ANKS6: variants seen among roughly 807,000 people sequenced by gnomAD.
ANKS6 encodes ankyrin repeat and sterile alpha motif domain containing 6.
In ANKS6, 47 loss-of-function variants were observed where a neutral mutation model predicts 77.9. The observed-to-expected ratio is 0.60, with a 90% confidence interval of 0.48 to 0.77. The LOEUF (loss-of-function observed/expected upper bound fraction) is 0.77. Ranked by LOEUF, ANKS6 falls within the 30% of genes least tolerant of loss-of-function variation. The pLI, the probability that ANKS6 is intolerant of heterozygous loss-of-function variation, is 0.00. For synonymous variants in ANKS6, 488 were observed against 501.7 expected (o/e 0.97, Z 0.37); for missense variants, 1,150 against 1,159.1 (o/e 0.99, Z 0.11).
At chr9:98,745,371 G>A (rs961208803) in intron 14 of ANKS6, among the ~76,000 whole-genome samples, 188 bp downstream of exon 14, 2 of 152,206 alleles carry the variant, frequency 1.3e-5, no homozygotes, top group Non-Finnish European at 2.9e-5. Context: ...TTACCTGAGC[G>A]AAGATTTCAG....
At position 98,794,719 on chromosome 9, in the gene ANKS6, G is replaced by A. The variant is rs576520913; in HGVS notation, c.359+1414C>T. On this transcript the variant is annotated intron_variant, in intron 1 of 14. Transcript: ENST00000353234. The stretch of plus-strand genomic sequence containing the variant: ...CCTCACTCAGTAAATTCCTCAGGGG[G>A]CTCACCAGGGCCCCTGTGCACGCAC... Among the ~76,000 whole-genome samples, 3 of 152,222 alleles carry A rather than the reference G, an allele frequency of 2.0e-5. No homozygotes were observed. The East Asian group carries it at 5.8e-4, about 29-fold the overall frequency.
intron 5 of ANKS6, 106 bp downstream of exon 5, chr9:98,782,361 G>A (rs1311662984): frequency 1.7e-5 from 17 of 1,013,342 alleles, no homozygotes; most frequent in African/African-American, 8.0e-5. Context: ...TTTCCCCCAC[G>A]AATAAGCAAG....
Position 98,733,273 on chromosome 9 carries a change from A to C in ANKS6, c.*3246T>G. ...CCATGTAATTTTGTGGCGCTGAAGA[A>C]GAGAGGCAGGAGCCCTCCGTGGCCA... is the stretch of plus-strand genomic sequence containing the variant. On this transcript the variant is annotated 3_prime_UTR_variant, in exon 15 of 15. Transcript: ENST00000353234. 1.0e-6 allele frequency: 1 copy of C among 985,578 alleles called. No individual in the cohort carries two copies. The highest frequency in any genetic ancestry group is 1.2e-6 in the Non-Finnish European group (1 of 830,026). The allele number at this position is 985,578 out of a possible 1,614,324, so 61.1% of individuals were successfully genotyped here.
At chr9:98,773,821 C>T in intron 9 of ANKS6, 56 bp downstream of exon 9, 6 of 1,408,210 alleles carry the variant, frequency 4.3e-6, no homozygotes, top group Non-Finnish European at 3.7e-6. Flanking sequence ...CTGGAACACA[C>T]CATGATCTCA....
chr9:98,758,056 G>C (rs10987634), intron 11 of ANKS6, among the ~76,000 whole-genome samples: 1 of 152,316 alleles, frequency 6.6e-6, no homozygotes, highest in East Asian at 1.9e-4. Context: ...ACTGAGGCAA[G>C]TGTTACAGTG....
At chr9:98,786,325 T>C (rs1397462802) in intron 2 of ANKS6, among the ~76,000 whole-genome samples, 1 of 149,076 alleles carries the variant, frequency 6.7e-6, no homozygotes, top group Non-Finnish European at 1.5e-5. Flanking sequence ...GGAGTCTTGC[T>C]GTGTCTCCCA....
chr9:98,763,000 T>C (rs1277317915), intron 11 of ANKS6, among the ~76,000 whole-genome samples: 1 of 152,040 alleles, frequency 6.6e-6, no homozygotes, highest in Non-Finnish European at 1.5e-5. Context: ...CCAACAGAAC[T>C]GAAAGGAGAA....
At position 98,748,099 on chromosome 9, in the gene ANKS6, G is replaced by A. The variant is rs186915497; in HGVS notation, c.2395-2424C>T. 6.0e-3 allele frequency among the ~76,000 whole-genome samples: 908 copies of A among 152,324 alleles called. 7 individuals carry two copies. Among genetic ancestry groups the A allele is most frequent in the Non-Finnish European group, 8.4e-3 (570 of 68,030 alleles). Reference sequence around the variant, plus strand: ...TTCTCTGGGCTCCAGAGTATTCTGGGCATCTGCATTTCCCAGCACCAGGCT... The same window carrying A: ...TTCTCTGGGCTCCAGAGTATTCTGGACATCTGCATTTCCCAGCACCAGGCT... On this transcript the variant is annotated intron_variant, in intron 13 of 14. Coordinates refer to ENST00000353234, the MANE Select transcript of ANKS6 (RefSeq NM_173551.5).
rs760117129 is a variant in ANKS6, at chr9:98,790,138, G to A, written c.828C>T (p.Tyr276=). ...LDCKHRDLVD[Y]LDPLTTVRPK... ...GCCTGACGGTGGTCAGCGGGTCCAG[G>A]TAGTCTACAAGGTCCCTGTGCTTGC... Residue 276 remains tyrosine, a synonymous_variant, in exon 2 of 15, where the codon TAC becomes TAT. Transcript: ENST00000353234. The A allele has an allele frequency of 6.3e-7, 1 of 1,580,394 alleles. No homozygotes were observed. Among genetic ancestry groups the A allele is most frequent in the Non-Finnish European group, 8.7e-7 (1 of 1,155,564 alleles).
chr9:98,790,785 AG>A (rs1834866468), intron 1 of ANKS6, among the ~76,000 whole-genome samples, 179 bp from the exon 2 acceptor site: 1 of 152,242 alleles, frequency 6.6e-6, no homozygotes, highest in African/African-American at 2.4e-5. Flanking sequence ...GAAGGTGAGC[AG>A]CTGCCCTGCC....
chr9:98,760,893 T>C (rs1420080856), intron 11 of ANKS6, among the ~76,000 whole-genome samples: 1 of 152,222 alleles, frequency 6.6e-6, no homozygotes, highest in Admixed American at 6.5e-5. Context: ...AGAAATTTTT[T>C]AAAAATCCAC....
intron 1 of ANKS6, among the ~76,000 whole-genome samples, chr9:98,794,021 G>A (rs1352757438): frequency 2.0e-5 from 3 of 150,460 alleles, no homozygotes; most frequent in Non-Finnish European, 4.4e-5. Context: ...GTGGTGGCAC[G>A]TGACTGTAAT....
chr9:98,736,234 A>G lies in ANKS6; in HGVS notation c.*285T>C, dbSNP rs990225647. On this transcript the variant is annotated 3_prime_UTR_variant, in exon 15 of 15. Transcript: ENST00000353234. The stretch of plus-strand genomic sequence containing the variant: ...ACTCTGAGGCTCCCGGGGAGGGCAG[A>G]GCACAGGATGAAAGGAGCTGAGTCC... The G allele has an allele frequency of 1.2e-5, 15 of 1,235,616 alleles. No homozygotes were observed. The highest frequency in any genetic ancestry group is 1.5e-5 in the African/African-American group (1 of 64,654). The allele number at this position is 1,235,616 out of a possible 1,614,324, so 76.5% of individuals were successfully genotyped here. A position where few individuals can be genotyped will look rare whatever the true frequency, so the allele number is the denominator to read the frequency against.
At chr9:98,739,692 A>G (rs1171455954) in intron 14 of ANKS6, among the ~76,000 whole-genome samples, 1 of 151,760 alleles carries the variant, frequency 6.6e-6, no homozygotes, top group Non-Finnish European at 1.5e-5. Flanking sequence ...CATTTCCCCA[A>G]CAGACCCTGT....
intron 11 of ANKS6, among the ~76,000 whole-genome samples, chr9:98,759,798 A>G (rs986760180): frequency 1.3e-5 from 2 of 152,214 alleles, no homozygotes; most frequent in African/African-American, 4.8e-5. Flanking sequence ...AAGATGATCA[A>G]TGTAAGTAAA....
intron 13 of ANKS6, among the ~76,000 whole-genome samples, chr9:98,749,772 C>G (rs984413945): frequency 2.6e-5 from 4 of 152,180 alleles, no homozygotes; most frequent in African/African-American, 7.2e-5. Flanking sequence ...GAAAAGCAAA[C>G]AGGAGGAGGA....
At chr9:98,758,525 G>A (rs1168388272) in intron 11 of ANKS6, among the ~76,000 whole-genome samples, 1 of 152,154 alleles carries the variant, frequency 6.6e-6, no homozygotes, top group Non-Finnish European at 1.5e-5. Context: ...GTACTGGGAT[G>A]TCACTGCTTC....
At chr9:98,757,379 T>C (rs1832770195) in intron 11 of ANKS6, among the ~76,000 whole-genome samples, 1 of 152,196 alleles carries the variant, frequency 6.6e-6, no homozygotes, top group Admixed American at 6.5e-5. Flanking sequence ...CTGTCTTTCC[T>C]TGTCTTTCAT....
chr9:98,766,463 TA>T (rs1227733342), intron 11 of ANKS6, among the ~76,000 whole-genome samples: 1 of 152,192 alleles, frequency 6.6e-6, no homozygotes, highest in Non-Finnish European at 1.5e-5. Context: ...AGTTTCCTAG[TA>T]GCAAAGGCAA....
Sources: allele counts gnomAD v4.1 joint callset (sites outside exome capture counted in the v4.1 genomes callset), GRCh38; gene constraint gnomAD v4.1.1; transcripts MANE v1.5; gene names NCBI Gene and HGNC (gene_info 2026-07-23, HGNC 2026-07-21).